Variants in ATRNL1 observed in about 807,000 individuals in gnomAD.
ATRNL1 encodes the protein attractin-like protein 1.
A neutral mutation model predicts 182.7 loss-of-function variants in ATRNL1; 95 were observed. That is an observed-to-expected ratio of 0.52 (90% CI 0.44 to 0.62). ATRNL1 has a LOEUF of 0.62. Among genes scored for constraint, ATRNL1 ranks in the 20% least tolerant of loss-of-function variants. The pLI is 0.00. For missense variants in ATRNL1, 1,471 were observed against 1,679.5 expected (o/e 0.88, Z 2.17); for synonymous variants, 576 against 568.3 (o/e 1.01, Z -0.19).
intron 15 of ATRNL1, among the ~76,000 whole-genome samples, chr10:115,295,453 T>C (rs1169818829): frequency 6.6e-6 from 1 of 152,164 alleles, no homozygotes; most frequent in Non-Finnish European, 1.5e-5. Flanking sequence ...GCTGCTTGTA[T>C]TGCCTGGAGG....
intron 28 of ATRNL1, among the ~76,000 whole-genome samples, chr10:115,862,482 C>CT (rs1555103713): frequency 6.6e-6 from 1 of 152,162 alleles, no homozygotes. Context: ...CCTCAGCCAA[C>CT]TTTTTTCATA....
chr10:115,510,206 T>G (rs1850320908), intron 24 of ATRNL1, among the ~76,000 whole-genome samples: 1 of 152,032 alleles, frequency 6.6e-6, no homozygotes, highest in Non-Finnish European at 1.5e-5. Context: ...CTGTGAACAT[T>G]GTTGAAATGA....
intron 8 of ATRNL1, among the ~76,000 whole-genome samples, chr10:115,181,734 T>C (rs1847754099): frequency 6.6e-6 from 1 of 151,746 alleles, no homozygotes; most frequent in African/African-American, 2.4e-5. Flanking sequence ...TGTCATCCTT[T>C]AGTTGTATTA....
At chr10:115,871,467 CTT>C (rs1379923690) in intron 28 of ATRNL1, among the ~76,000 whole-genome samples, 2 of 16,544 alleles carry the variant, frequency 1.2e-4, no homozygotes, top group African/African-American at 1.7e-4. Flanking sequence ...TGGTCAGATT[CTT>C]TGTGTGTGTG....
chr10:115,577,434 T>G (rs540791663), intron 26 of ATRNL1, among the ~76,000 whole-genome samples: 10 of 151,966 alleles, frequency 6.6e-5, no homozygotes, highest in African/African-American at 2.4e-4. Flanking sequence ...CTCAGATATT[T>G]TACTTTCTTG....
Position 115,848,746 on chromosome 10 carries a change from T to TC in ATRNL1, c.4018+757dup, listed in dbSNP as rs542237990. Among the ~76,000 whole-genome samples the TC allele has an allele frequency of 1.6e-3, 247 of 152,302 alleles. 11 individuals are homozygous for TC. In the South Asian group the frequency reaches 0.049, roughly 30 times the overall value. Reference sequence around the variant, plus strand: ...TTTTCTCTCTTTTTGCATATACTATTCCATCTTTATAATTTTGAATTTTTC... The same window carrying TC: ...TTTTCTCTCTTTTTGCATATACTATTCCCATCTTTATAATTTTGAATTTTTC... On this transcript the variant is annotated intron_variant, in intron 28 of 28. Transcript: ENST00000355044.
intron 26 of ATRNL1, among the ~76,000 whole-genome samples, chr10:115,653,475 T>C (rs1484436365): frequency 6.6e-6 from 1 of 152,206 alleles, no homozygotes; most frequent in African/African-American, 2.4e-5. Context: ...TCTAGATCTG[T>C]TTGCAAACTT....
At chr10:115,927,657 A>G (rs545725444) in intron 28 of ATRNL1, among the ~76,000 whole-genome samples, 1 of 152,236 alleles carries the variant, frequency 6.6e-6, no homozygotes, top group African/African-American at 2.4e-5. Flanking sequence ...AATACAGTAT[A>G]TTACTGTTAA....
intron 9 of ATRNL1, among the ~76,000 whole-genome samples, chr10:115,231,920 T>A (rs1849969842): frequency 6.6e-6 from 1 of 151,040 alleles, no homozygotes; most frequent in Non-Finnish European, 1.5e-5. Context: ...GGAGGGAGAG[T>A]GAATGAGTTA....
At chr10:115,320,381 C>T (rs782340243) in intron 18 of ATRNL1, among the ~76,000 whole-genome samples, 4 of 152,000 alleles carry the variant, frequency 2.6e-5, no homozygotes, top group Non-Finnish European at 4.4e-5. Context: ...TTTGGTTGAT[C>T]TTCTCATGGA....
At chr10:115,695,246 A>G (rs1286734176) in intron 26 of ATRNL1, among the ~76,000 whole-genome samples, 1 of 152,140 alleles carries the variant, frequency 6.6e-6, no homozygotes, top group Non-Finnish European at 1.5e-5. Context: ...TCTGAAGGAG[A>G]ATTTTTTTAT....
chr10:115,622,451 A>G (rs1237364244), intron 26 of ATRNL1, among the ~76,000 whole-genome samples: 1 of 152,154 alleles, frequency 6.6e-6, no homozygotes, highest in Non-Finnish European at 1.5e-5. Context: ...TGTTACAGAC[A>G]TTTGTAATTG....
At chr10:115,468,397 C>A (rs1170683389) in intron 23 of ATRNL1, among the ~76,000 whole-genome samples, 3 of 150,738 alleles carry the variant, frequency 2.0e-5, no homozygotes, top group Non-Finnish European at 4.5e-5. Context: ...GAGATGAAGT[C>A]ATGGAATCTG....
intron 28 of ATRNL1, among the ~76,000 whole-genome samples, chr10:115,856,586 T>C (rs1490866273): frequency 6.6e-6 from 1 of 151,972 alleles, no homozygotes; most frequent in African/African-American, 2.4e-5. Context: ...TCCACAGACC[T>C]GGGGGTCAGT....
At position 115,421,500 on chromosome 10, in the gene ATRNL1, C is replaced by T. The variant is rs191262203; in HGVS notation, c.3270-4750C>T. 7.5e-4 allele frequency among the ~76,000 whole-genome samples: 114 copies of T among 152,206 alleles called. 2 individuals are homozygous for T. Among genetic ancestry groups the T allele is most frequent in the Admixed American group, 2.2e-3 (33 of 15,296 alleles). On this transcript the variant is annotated intron_variant, in intron 20 of 28. Coordinates refer to ENST00000355044, the MANE Select transcript of ATRNL1 (RefSeq NM_207303.4). The stretch of plus-strand genomic sequence containing the variant: ...GAATTTGATAAAATTTAACATTCCT[C>T]CATGATAAAACCGCTGAAAAATTAG...
intron 27 of ATRNL1, among the ~76,000 whole-genome samples, chr10:115,840,665 TC>T (rs1428469125): frequency 7.9e-5 from 12 of 152,170 alleles, no homozygotes; most frequent in Middle Eastern, 6.8e-3. Flanking sequence ...ACGTTACACT[TC>T]CTCTCAATGC....
At chr10:115,721,811 C>T (rs1461310963) in intron 26 of ATRNL1, among the ~76,000 whole-genome samples, 5 of 152,128 alleles carry the variant, frequency 3.3e-5, no homozygotes, top group Non-Finnish European at 5.9e-5. Context: ...AATCAAAGAT[C>T]CAGAAACATT....
At chr10:115,563,500 A>C (rs1356072662) in intron 26 of ATRNL1, among the ~76,000 whole-genome samples, 1 of 152,212 alleles carries the variant, frequency 6.6e-6, no homozygotes, top group Non-Finnish European at 1.5e-5. Flanking sequence ...ATACAGATTT[A>C]AACCTAATAC....
At position 115,301,972 on chromosome 10, in the gene ATRNL1, T is replaced by A. The variant is rs1554924698; in HGVS notation, c.2747T>A (p.Val916Asp). Residue 916 changes from valine (V) to aspartate (D), a missense_variant, in exon 17 of 29, where the codon GTT becomes GAT. Coordinates refer to ENST00000355044, the MANE Select transcript of ATRNL1 (RefSeq NM_207303.4). ...CMWCSSTKRC[V>D]DSNAYIISFP... is the part of the protein sequence containing the mutation. The stretch of plus-strand genomic sequence containing the variant: ...TGGTGCAGCAGTACGAAACGATGTG[T>A]TGACTCTAATGCCTATATCATCTCT... 1 of 1,614,134 alleles carries A rather than the reference T, an allele frequency of 6.2e-7. No individual in the cohort carries two copies. Among genetic ancestry groups the A allele is most frequent in the Admixed American group, 1.7e-5 (1 of 60,018 alleles).
Sources: allele counts gnomAD v4.1 joint callset (sites outside exome capture counted in the v4.1 genomes callset), GRCh38; gene constraint gnomAD v4.1.1; transcripts MANE v1.5; gene names NCBI Gene and HGNC (gene_info 2026-07-23, HGNC 2026-07-21).